SAMMSON: variants seen among roughly 807,000 people sequenced by gnomAD.
SAMMSON encodes the protein survival associated mitochondrial melanoma specific oncogenic non-coding RNA.
chr3:70,000,369 G>T (rs1180650004), intron 1 of SAMMSON, among the ~76,000 whole-genome samples: 1 of 152,198 alleles, frequency 6.6e-6, no homozygotes, highest in Non-Finnish European at 1.5e-5. Flanking sequence ...ACTTGTGATA[G>T]AGATAAAGTT....
intron 6 of SAMMSON, among the ~76,000 whole-genome samples, chr3:70,261,500 G>A (rs1354970959): frequency 6.6e-6 from 1 of 152,048 alleles, no homozygotes; most frequent in African/African-American, 2.4e-5. Context: ...TCTATATCCT[G>A]ATTAATAATT....
chr3:70,397,921 GTC>G (rs1265342897), intron 2 of SAMMSON, among the ~76,000 whole-genome samples: 1 of 152,082 alleles, frequency 6.6e-6, no homozygotes, highest in Non-Finnish European at 1.5e-5. Context: ...AATTCTGACT[GTC>G]TTAGCTTTTC....
chr3:70,162,922 T>A (rs922110705), intron 4 of SAMMSON, among the ~76,000 whole-genome samples: 1 of 152,016 alleles, frequency 6.6e-6, no homozygotes, highest in Non-Finnish European at 1.5e-5. Flanking sequence ...TATTTTTTAA[T>A]CTTAAAGTCT....
chr3:70,389,490 T>G (rs1005911747), intron 9 of SAMMSON: 3 of 152,116 alleles, frequency 2.0e-5, no homozygotes, highest in African/African-American at 7.2e-5. Flanking sequence ...ATTAATCTGT[T>G]TAATATCCAT....
intron 4 of SAMMSON, among the ~76,000 whole-genome samples, chr3:70,203,340 C>T (rs1206861539): frequency 6.6e-6 from 1 of 152,108 alleles, no homozygotes; most frequent in Admixed American, 6.6e-5. Context: ...CTCCCCCACA[C>T]TGAGTTCTTT....
intron 4 of SAMMSON, among the ~76,000 whole-genome samples, chr3:70,177,262 G>C (rs997234437): frequency 2.0e-5 from 3 of 152,170 alleles, no homozygotes; most frequent in African/African-American, 7.2e-5. Context: ...ACCCCTACCT[G>C]ACCAAATCTG....
chr3:70,311,994 T>A (rs1164533554), intron 7 of SAMMSON: 1 of 397,694 alleles, frequency 2.5e-6, no homozygotes, highest in East Asian at 3.6e-5. Context: ...ACAGAATTTG[T>A]GATATAAAAA....
intron 7 of SAMMSON, among the ~76,000 whole-genome samples, chr3:70,341,115 T>A (rs1336385802): frequency 6.6e-6 from 1 of 152,132 alleles, no homozygotes; most frequent in Admixed American, 6.6e-5. Flanking sequence ...ATTTTCACCA[T>A]CATCACCATA....
At chr3:70,354,600 C>G (rs1559570850) in intron 8 of SAMMSON, among the ~76,000 whole-genome samples, 1 of 152,168 alleles carries the variant, frequency 6.6e-6, no homozygotes, top group Non-Finnish European at 1.5e-5. Context: ...GGGAGTGTAA[C>G]TGTGTCACTG....
chr3:70,405,393 G>T (rs1276429686), intron 2 of SAMMSON, among the ~76,000 whole-genome samples: 1 of 152,146 alleles, frequency 6.6e-6, no homozygotes. Context: ...CACACCCATA[G>T]TATAGTAGAA....
At chr3:70,303,413 A>T (rs1001692848) in intron 7 of SAMMSON, among the ~76,000 whole-genome samples, 19 of 152,222 alleles carry the variant, frequency 1.2e-4, no homozygotes, top group African/African-American at 4.6e-4. Context: ...GAGGAAAAAA[A>T]ATTATGCGGA....
chr3:70,343,639 G>T (rs1476105204), intron 7 of SAMMSON, among the ~76,000 whole-genome samples: 2 of 152,044 alleles, frequency 1.3e-5, no homozygotes, highest in Non-Finnish European at 2.9e-5. Flanking sequence ...CCTTGATAAA[G>T]GGAGGTTTGT....
At chr3:70,007,115 C>G (rs1215320084) in intron 1 of SAMMSON, among the ~76,000 whole-genome samples, 1 of 152,072 alleles carries the variant, frequency 6.6e-6, no homozygotes, top group Non-Finnish European at 1.5e-5. Flanking sequence ...CATATGTGTG[C>G]ATGTGTCTTT....
At chr3:70,288,522 A>C (rs1702191602) in intron 6 of SAMMSON, among the ~76,000 whole-genome samples, 1 of 150,384 alleles carries the variant, frequency 6.6e-6, no homozygotes, top group South Asian at 2.2e-4. Flanking sequence ...GTGCTGAAAA[A>C]AATGTATATT....
rs144232021 is a variant in SAMMSON at position 70,163,207 on chromosome 3, C to CT, written n.508-85894dup. Among the ~76,000 whole-genome samples, 1,417 of 150,856 alleles carry CT rather than the reference C, an allele frequency of 9.4e-3. 113 individuals carry two copies. The East Asian group carries it at 0.19, about 20-fold the overall frequency. On this transcript the variant is annotated intron_variant and non_coding_transcript_variant, in intron 4 of 9. Transcript: ENST00000642114. ...TATTTGTTTTCCATATATCTTATGT[C>CT]TTTTTTGTGTTCTTTGTGCCACCAC...
At chr3:70,420,871 AGT>A (rs1384091823) in intron 2 of SAMMSON, among the ~76,000 whole-genome samples, 1 of 152,170 alleles carries the variant, frequency 6.6e-6, no homozygotes, top group Non-Finnish European at 1.5e-5. Context: ...TAAATTCGAA[AGT>A]GTAGAGTGGC....
At chr3:70,259,157 T>C (rs1001850107) in intron 6 of SAMMSON, among the ~76,000 whole-genome samples, 1 of 152,148 alleles carries the variant, frequency 6.6e-6, no homozygotes, top group African/African-American at 2.4e-5. Context: ...CTTTTTCATA[T>C]GTGGTCCTTT....
At chr3:70,428,838 A>G (rs1483128705) in intron 2 of SAMMSON, among the ~76,000 whole-genome samples, 3 of 152,162 alleles carry the variant, frequency 2.0e-5, no homozygotes, top group Non-Finnish European at 2.9e-5. Context: ...CTTTCTTCCA[A>G]TGATGATTCA....
At chr3:70,178,942 A>G (rs1025135204) in intron 4 of SAMMSON, among the ~76,000 whole-genome samples, 1 of 152,178 alleles carries the variant, frequency 6.6e-6, no homozygotes, top group African/African-American at 2.4e-5. Flanking sequence ...TCGAGGCTGC[A>G]GTGAGCCATG....
Sources: gnomAD v4.1 joint callset for allele counts (sites outside exome capture counted in the v4.1 genomes callset) on GRCh38, gnomAD v4.1.1 for gene constraint, MANE v1.5 for transcripts, NCBI Gene and HGNC (gene_info 2026-07-23, HGNC 2026-07-21) for gene names.